FLNC: variants seen among roughly 807,000 people sequenced by gnomAD.
The protein encoded by FLNC is filamin C, also known as filamin-C.
FLNC carries 91 observed loss-of-function variants against 254.3 expected under a neutral mutation model. The ratio of observed to expected loss-of-function variants is 0.36; its 90% CI spans 0.30 to 0.43. FLNC has a LOEUF of 0.43. Ranked by LOEUF, FLNC falls within the 20% of genes least tolerant of loss-of-function variation. The pLI is 1.00. For missense variants in FLNC, 2,853 were observed against 3,802.6 expected, an observed-to-expected ratio of 0.75 and a Z score of 6.57; for synonymous variants, 1,430 against 1,577.2, an observed-to-expected ratio of 0.91 and a Z score of 2.21.
rs966425229 is a variant in FLNC at position 128,836,273 on chromosome 7, G to A, written c.601+699G>A. On this transcript the variant is annotated intron_variant, in intron 2 of 47. Coordinates refer to ENST00000325888, the MANE Select transcript of FLNC (RefSeq NM_001458.5). The surrounding 1 kb of genome is among the most constrained non-coding windows in gnomAD (Gnocchi z 6.0). ...CTGAAAAGATAGGTTTTCTCCAGGA[G>A]TCACAGCCCCTCGGGAGAATCCTCC... Among the ~76,000 whole-genome samples, 1 of 152,214 alleles carries A rather than the reference G, an allele frequency of 6.6e-6. No individual in the cohort carries two copies. Among genetic ancestry groups the A allele is most frequent in the South Asian group, 2.1e-4 (1 of 4,826 alleles).
chr7:128,837,044 G>A lies in FLNC; in HGVS notation c.602-116G>A. 3 of 756,548 alleles carry A rather than the reference G, an allele frequency of 4.0e-6. No individual in the cohort carries two copies. In the South Asian group the frequency reaches 4.6e-5, roughly 12 times the overall value. The allele number at this position is 756,548 out of a possible 1,614,324, so 46.9% of individuals were successfully genotyped here. The stretch of plus-strand genomic sequence containing the variant: ...CAGGAACCTGGCTGGTCAAGGCCTA[G>A]AGCTGGTGGGAAGGGGTGTAAAGCC... On this transcript the variant is annotated intron_variant, in intron 2 of 47. Transcript: ENST00000325888.
intron 1 of FLNC, among the ~76,000 whole-genome samples, chr7:128,832,325 G>A (rs1585148918): frequency 6.6e-6 from 1 of 152,208 alleles, no homozygotes; most frequent in East Asian, 1.9e-4. Context: ...CAGGGGGTGG[G>A]GGAGGGAGCC....
Position 128,855,162 on chromosome 7 carries a change from C to T in FLNC, c.7136-37C>T, listed in dbSNP as rs372568319. 1,499 of 1,462,502 alleles carry T rather than the reference C, an allele frequency of 1.0e-3. 3 individuals carry two copies. The highest frequency in any genetic ancestry group is 1.3e-3 in the Non-Finnish European group (1,355 of 1,042,066). The allele number at this position is 1,462,502 out of a possible 1,614,324, so 90.6% of individuals were successfully genotyped here. A position where few individuals can be genotyped will look rare whatever the true frequency, so the allele number is the denominator to read the frequency against. ...GGGAGGCTCCCGCCCTGCCAACCTC[C>T]ATCCCGGAACCTGTGCTGACTGGTC... is the stretch of plus-strand genomic sequence containing the variant. On this transcript the variant is annotated intron_variant, in intron 42 of 47. Transcript: ENST00000325888.
At position 128,851,446 on chromosome 7, in the gene FLNC, C is replaced by T. The variant is rs374651908; in HGVS notation, c.5669-9C>T. ...GGACCTCTGATCTTGGCCACACCTCCACCTACAGGGGGTCTGTCACTGGCC... is the reference window on the plus strand; with the variant it reads ...GGACCTCTGATCTTGGCCACACCTCTACCTACAGGGGGTCTGTCACTGGCC... On this transcript the variant is annotated splice_polypyrimidine_tract_variant and intron_variant, in intron 34 of 47. Transcript: ENST00000325888. 9.3e-6 allele frequency: 15 copies of T among 1,613,852 alleles called. No homozygotes were observed. Among genetic ancestry groups the T allele is most frequent in the African/African-American group, 6.7e-5 (5 of 74,928 alleles).
rs777415462 is a variant in FLNC at position 128,837,210 on chromosome 7, G to T, written c.652G>T (p.Ala218Ser). The T allele has an allele frequency of 1.9e-6, 3 of 1,601,982 alleles. No individual in the cohort carries two copies. Among genetic ancestry groups the T allele is most frequent in the Non-Finnish European group, 8.5e-7 (1 of 1,174,970 alleles). Residue 218 changes from alanine to serine, a missense_variant, in exon 3 of 48, where the codon GCC (alanine) becomes TCC (serine). By Grantham distance (99) the Ala-to-Ser change is moderately conservative (BLOSUM62 1). Transcript: ENST00000325888. ...AWDPNQPVENAREAMQQADDW... is the reference protein window; with the variant it reads ...AWDPNQPVENSREAMQQADDW... ...GGACCCCAACCAGCCCGTGGAGAAC[G>T]CCCGGGAGGCCATGCAGCAGGCCGA...
rs546247674 is a variant in FLNC, at chr7:128,854,131, C to T, written c.6642C>T (p.Gly2214=). ...EVRVEESTQV[G]GDPFPAVFGD... The stretch of plus-strand genomic sequence containing the variant: ...GGGTGGAGGAGTCCACCCAGGTCGG[C>T]GGGGACCCCTTCCCTGCTGTGTTTG... Residue 2214 remains glycine (G), a synonymous_variant, in exon 40 of 48, where the codon GGC becomes GGT. Transcript: ENST00000325888. 30 of 1,612,686 alleles carry T rather than the reference C, an allele frequency of 1.9e-5. 1 individual carries two copies. Among genetic ancestry groups the T allele is most frequent in the Middle Eastern group, 1.6e-4 (1 of 6,062 alleles).
In FLNC at chr7:128,844,891, C is replaced by T. The variant is rs201313781; in HGVS notation, c.3426C>T (p.Gly1142=). 17 of 1,614,016 alleles carry T rather than the reference C, an allele frequency of 1.1e-5. No individual in the cohort carries two copies. The highest frequency in any genetic ancestry group is 9.3e-6 in the Non-Finnish European group (11 of 1,180,048). The change falls in exon 21 of 48, where the codon GGC becomes GGT. Residue 1142 remains glycine, a synonymous_variant. Transcript: ENST00000325888. ...NILFAEAHIP[G]SPFKATIRPV... The stretch of plus-strand genomic sequence containing the variant: ...TGTTTGCTGAGGCCCACATCCCTGG[C>T]TCGCCCTTCAAAGCCACCATTCGGC...
At position 128,841,496 on chromosome 7, in the gene FLNC, G is replaced by T; in HGVS notation, c.2050G>T (p.Val684Leu). The change falls in exon 13 of 48, where the codon GTG becomes TTG. Residue 684 changes from valine to leucine, a missense_variant. Physicochemically the swap from Val to Leu is conservative, Grantham distance 32 (BLOSUM62 1). This residue lies in a region of FLNC where 1,573 missense variants were observed against 1,883.5 expected (regional missense o/e 0.84). Coordinates refer to ENST00000325888, the MANE Select transcript of FLNC (RefSeq NM_001458.5). The surrounding 1 kb of genome is among the most constrained non-coding windows in gnomAD (Gnocchi z 4.3). ...TGGCCTGGAGCCTACCGGCTGCATCGTGGACAAGCCCGCTGAGTTCACCAT... is the reference window on the plus strand; with the variant it reads ...TGGCCTGGAGCCTACCGGCTGCATCTTGGACAAGCCCGCTGAGTTCACCAT... ...GPGLEPTGCI[V>L]DKPAEFTIDA... is the part of the protein sequence containing the mutation. The T allele has an allele frequency of 2.5e-6, 4 of 1,614,150 alleles. No homozygotes were observed. Among genetic ancestry groups the T allele is most frequent in the Non-Finnish European group, 3.4e-6 (4 of 1,180,014 alleles).
At position 128,842,133 on chromosome 7, in the gene FLNC, G is replaced by A. The variant is rs1808357575; in HGVS notation, c.2122-98G>A. 3.1e-6 allele frequency: 4 copies of A among 1,296,636 alleles called. No homozygotes were observed. Among genetic ancestry groups the A allele is most frequent in the Admixed American group, 2.0e-5 (1 of 50,708 alleles). 80.3% of individuals were successfully genotyped at this position (1,296,636 alleles called of 1,614,324 possible). On this transcript the variant is annotated intron_variant, in intron 13 of 47. Transcript: ENST00000325888. The surrounding 1 kb of genome is among the most constrained non-coding windows in gnomAD (Gnocchi z 5.4). ...CTGGTGTGGGGGCGGGAGTGCCAGT[G>A]TTGGGGGTGGGAAAGGAGGCGCTGG... is the stretch of plus-strand genomic sequence containing the variant.
chr7:128,844,357 G>T (rs1478001032), intron 20 of FLNC, 91 bp downstream of exon 20: 1 of 1,436,574 alleles, frequency 7.0e-7, no homozygotes, highest in Non-Finnish European at 9.3e-7. Flanking sequence ...AGGGACTTAT[G>T]TGCCTGGAGT....
In FLNC at chr7:128,854,738, C is replaced by T. The variant is rs754930252; in HGVS notation, c.6998-37C>T. On this transcript the variant is annotated intron_variant, in intron 41 of 47. Coordinates refer to ENST00000325888, the MANE Select transcript of FLNC (RefSeq NM_001458.5). ...AAGTCAGGGCAGCCAGTGTGAGGGG[C>T]GATGATGCTGAAGTCCACTACCTTG... The T allele has an allele frequency of 1.5e-5, 25 of 1,613,188 alleles. No individual in the cohort carries two copies. The highest frequency in any genetic ancestry group is 2.7e-5 in the African/African-American group (2 of 74,912).
In FLNC at chr7:128,837,561, C is replaced by T. The variant is rs747255701; in HGVS notation, c.850+13C>T. ...GCCTATGGGCCTGGTATGTGTGAGC[C>T]CCTGGCGGCCCTCCTGGGCAGCTGG... On this transcript the variant is annotated intron_variant, in intron 4 of 47. Transcript: ENST00000325888. The T allele has an allele frequency of 1.2e-6, 2 of 1,614,070 alleles. No individual in the cohort carries two copies. The highest frequency in any genetic ancestry group is 1.1e-5 in the South Asian group (1 of 91,090).
rs3800585 is a variant in FLNC, at chr7:128,858,737, C to T, written c.*214C>T. ...GTCTGTGTCAGGACAGTGTCCCTCC[C>T]TGGGAATGTGACATGAGGGCCGACT... On this transcript the variant is annotated 3_prime_UTR_variant, in exon 48 of 48. Transcript: ENST00000325888. The surrounding 1 kb of genome is among the most constrained non-coding windows in gnomAD (Gnocchi z 6.7). The T allele has an allele frequency of 0.097, 57,144 of 587,784 alleles. 2,901 individuals carry two copies. Among genetic ancestry groups the T allele is most frequent in the East Asian group, 0.12 (4,174 of 35,240 alleles). The allele number at this position is 587,784 out of a possible 1,614,324, so 36.4% of individuals were successfully genotyped here.
At chr7:128,847,597 G>A in intron 24 of FLNC, 100 bp from the exon 25 acceptor site, 1 of 1,374,146 alleles carries the variant, frequency 7.3e-7, no homozygotes. Flanking sequence ...TTCCCTGTGG[G>A]CATTTCAAAG....
At position 128,853,855 on chromosome 7, in the gene FLNC, C is replaced by T; in HGVS notation, c.6484+18C>T. The stretch of plus-strand genomic sequence containing the variant: ...GATCCCAGGTAGAAGCCTGGAGGAC[C>T]CTGGGTGGGGCGGGTGGTGGGAGAG... On this transcript the variant is annotated intron_variant, in intron 39 of 47. Coordinates refer to ENST00000325888, the MANE Select transcript of FLNC (RefSeq NM_001458.5). The T allele has an allele frequency of 5.0e-6, 8 of 1,613,334 alleles. No individual in the cohort carries two copies. Among genetic ancestry groups the T allele is most frequent in the Non-Finnish European group, 6.8e-6 (8 of 1,179,974 alleles).
In FLNC at chr7:128,837,185, G is replaced by A; in HGVS notation, c.627G>A (p.Trp209Ter). 6.2e-7 allele frequency: 1 copy of A among 1,603,288 alleles called. No individual in the cohort carries two copies. Among genetic ancestry groups the A allele is most frequent in the Non-Finnish European group, 8.5e-7 (1 of 1,175,632 alleles). The change falls in exon 3 of 48, where the codon TGG (tryptophan) becomes TGA (stop). Residue 209 changes from tryptophan (W) to a stop codon, truncating the protein, a stop_gained. Transcript: ENST00000325888. LOFTEE classifies it high-confidence loss of function. ...GTCTCTGCCCCGACTGGGAGGCCTGGGACCCCAACCAGCCCGTGGAGAACG... is the reference window on the plus strand; with the variant it reads ...GTCTCTGCCCCGACTGGGAGGCCTGAGACCCCAACCAGCCCGTGGAGAACG... ...APGLCPDWEAWDPNQPVENAR... is the reference protein window; with the variant it reads ...APGLCPDWEA
chr7:128,852,601 C>T lies in FLNC; in HGVS notation c.5853C>T (p.Ser1951=). Residue 1951 remains serine, a synonymous_variant, in exon 36 of 48, where the codon TCC becomes TCT. Transcript: ENST00000325888. ...PFTAKITGDD[S]MRTSQLNVGT... is the part of the protein sequence containing the mutation. ...CAACTCCCCCACCAGGTGATGACTC[C>T]ATGAGGACCTCACAGCTGAATGTGG... 6.2e-7 allele frequency: 1 copy of T among 1,613,286 alleles called. No individual in the cohort carries two copies. The highest frequency in any genetic ancestry group is 8.5e-7 in the Non-Finnish European group (1 of 1,180,024).
rs1416874179 is a variant in FLNC, at chr7:128,836,778, CAGGCACT to C, written c.602-381_602-375del. Among the ~76,000 whole-genome samples, 1 of 152,180 alleles carries C rather than the reference CAGGCACT, an allele frequency of 6.6e-6. No homozygotes were observed. Among genetic ancestry groups the C allele is most frequent in the Non-Finnish European group, 1.5e-5 (1 of 68,028 alleles). ...GGATGGGTCAGGGGCATATGTGGGA[CAGGCACT>C]CTGACCTCCTCTGCCCACCCCTGAG... On this transcript the variant is annotated intron_variant, in intron 2 of 47. Transcript: ENST00000325888. The surrounding 1 kb of genome is among the most constrained non-coding windows in gnomAD (Gnocchi z 6.0).
chr7:128,851,798 A>G lies in FLNC; in HGVS notation c.5842+170A>G, dbSNP rs563089673. 2.3e-4 allele frequency among the ~76,000 whole-genome samples: 35 copies of G among 152,390 alleles called. 1 individual carries two copies. The South Asian group carries it at 7.2e-3, about 32-fold the overall frequency. Reference sequence around the variant, plus strand: ...GTAAAAACACTCTGTTCTCCACGGCAGCTAAGAAGCAGTCAGCCACTCCTT... The same window carrying G: ...GTAAAAACACTCTGTTCTCCACGGCGGCTAAGAAGCAGTCAGCCACTCCTT... On this transcript the variant is annotated intron_variant, in intron 35 of 47. Transcript: ENST00000325888.
Sources: gnomAD v4.1 joint callset for allele counts (sites outside exome capture counted in the v4.1 genomes callset) on GRCh38, gnomAD v4.1.1 for gene constraint, gnomAD v4.1.1 regional missense constraint, Gnocchi (gnomAD v3.1) non-coding constraint, MANE v1.5 for transcripts, NCBI Gene and HGNC (gene_info 2026-07-23, HGNC 2026-07-21) for gene names.